ANKRD11: variants seen among roughly 807,000 people sequenced by gnomAD.
The protein encoded by ANKRD11 is ankyrin repeat domain 11.
ANKRD11 carries 17 observed loss-of-function variants against 195.7 expected under a neutral mutation model. The observed-to-expected ratio is 0.09, with a 90% confidence interval of 0.06 to 0.13. ANKRD11 has a LOEUF of 0.13. ANKRD11 is among the 10% of genes least tolerant of loss of function. The pLI is 1.00. For missense variants in ANKRD11, 3,735 were observed against 3,566.1 expected (o/e 1.05, Z -1.21); for synonymous variants, 1,953 against 1,528.1 (o/e 1.28, Z -6.49).
chr16:89,337,465 C>T lies in ANKRD11; in HGVS notation c.-59-20387G>A, dbSNP rs1423380926. ...TTTTTTTTTTTTTTTTTGAGACAGT[C>T]TCCCTCTGTCGCCCAGGCTGGAGTG... is the stretch of plus-strand genomic sequence containing the variant. On this transcript the variant is annotated intron_variant, in intron 2 of 12. Transcript: ENST00000301030. 1.6e-4 allele frequency among the ~76,000 whole-genome samples: 8 copies of T among 49,764 alleles called. No homozygotes were observed. The Admixed American group carries it at 1.6e-3, about 10-fold the overall frequency. The allele number at this position is 49,764 out of a possible 152,430, so 32.6% of individuals were successfully genotyped here.
At chr16:89,452,477 G>A (rs763415585) in intron 1 of ANKRD11, among the ~76,000 whole-genome samples, 1 of 152,004 alleles carries the variant, frequency 6.6e-6, no homozygotes, top group East Asian at 1.9e-4. Flanking sequence ...AAACCACAGC[G>A]GGTGAGGACA....
intron 2 of ANKRD11, among the ~76,000 whole-genome samples, chr16:89,328,344 CAT>C (rs1202111263): frequency 6.6e-6 from 1 of 152,226 alleles, no homozygotes; most frequent in African/African-American, 2.4e-5. Context: ...CACCCCAGGA[CAT>C]TTATCTGAGA....
chr16:89,311,849 T>A lies in ANKRD11; in HGVS notation c.87+5084A>T, dbSNP rs550884207. 4.6e-5 allele frequency among the ~76,000 whole-genome samples: 7 copies of A among 152,198 alleles called. No individual in the cohort carries two copies. In the South Asian group the frequency reaches 1.5e-3, roughly 32 times the overall value. On this transcript the variant is annotated intron_variant, in intron 3 of 12. Transcript: ENST00000301030. ...CTTTTTCTTTCTTAAAGTGGGAAGT[T>A]TTTGCTTTATTCTAATAATGAAAAT... is the stretch of plus-strand genomic sequence containing the variant.
chr16:89,436,408 C>T (rs1335169903), intron 1 of ANKRD11, among the ~76,000 whole-genome samples: 5 of 119,630 alleles, frequency 4.2e-5, no homozygotes, highest in African/African-American at 1.1e-4. Flanking sequence ...GAGTGAGACT[C>T]GGTCTCAAAA....
intron 2 of ANKRD11, among the ~76,000 whole-genome samples, chr16:89,415,849 A>AAAAAAAAAAAAAAAAAAAAAAAAAAAG (rs1597338948): frequency 6.8e-6 from 1 of 147,542 alleles, no homozygotes; most frequent in Non-Finnish European, 1.5e-5. Flanking sequence ...AAAAAAAAAA[A>AAAAAAAAAAAAAAAAAAAAAAAAAAAG]ACAATGGAGA....
intron 1 of ANKRD11, among the ~76,000 whole-genome samples, chr16:89,457,019 G>A (rs1312415376): frequency 6.7e-6 from 1 of 149,218 alleles, no homozygotes; most frequent in Admixed American, 6.7e-5. Flanking sequence ...GAGTGCAGTG[G>A]CGCAATCTCG....
At chr16:89,286,628 TG>T (rs1184208549) in intron 7 of ANKRD11, 6 of 1,199,808 alleles carry the variant, frequency 5.0e-6, no homozygotes, top group Non-Finnish European at 6.4e-6. Context: ...TGGAAAGGGT[TG>T]GGGGGACAGA....
chr16:89,285,939 A>C lies in ANKRD11; in HGVS notation c.892+100T>G. Reference sequence around the variant, plus strand: ...AGCTCCTGTAAGCCCCCAGCATCCGAGGAGGAGCTGATCAGAGGGGCAACA... The same window carrying C: ...AGCTCCTGTAAGCCCCCAGCATCCGCGGAGGAGCTGATCAGAGGGGCAACA... On this transcript the variant is annotated intron_variant, in intron 8 of 12. Coordinates refer to ENST00000301030, the MANE Select transcript of ANKRD11 (RefSeq NM_013275.6). The surrounding 1 kb of genome is among the most constrained non-coding windows in gnomAD (Gnocchi z 5.6). 6.3e-7 allele frequency: 1 copy of C among 1,579,164 alleles called. No individual in the cohort carries two copies. The highest frequency in any genetic ancestry group is 8.7e-7 in the Non-Finnish European group (1 of 1,154,260).
chr16:89,404,050 A>C (rs2041811205), intron 2 of ANKRD11, among the ~76,000 whole-genome samples: 1 of 152,252 alleles, frequency 6.6e-6, no homozygotes, highest in Non-Finnish European at 1.5e-5. Context: ...CTAAAATTCC[A>C]AACTACAGGA....
chr16:89,481,363 T>C (rs1401008408), intron 1 of ANKRD11, among the ~76,000 whole-genome samples: 1 of 151,700 alleles, frequency 6.6e-6, no homozygotes, highest in Non-Finnish European at 1.5e-5. Context: ...AGGCCAGGAG[T>C]TCAACATCAG....
intron 1 of ANKRD11, among the ~76,000 whole-genome samples, chr16:89,477,658 T>G (rs2152364042): frequency 6.7e-6 from 1 of 149,866 alleles, no homozygotes; most frequent in Admixed American, 6.6e-5. Context: ...GGCCCGGCAG[T>G]ATTTAGCATT....
chr16:89,337,593 T>C (rs924001563), intron 2 of ANKRD11, among the ~76,000 whole-genome samples: 5 of 151,848 alleles, frequency 3.3e-5, no homozygotes, highest in African/African-American at 1.2e-4. Flanking sequence ...CCTGCCACCA[T>C]GCCCAGATAA....
At chr16:89,451,108 T>C (rs2044050688) in intron 1 of ANKRD11, among the ~76,000 whole-genome samples, 1 of 152,224 alleles carries the variant, frequency 6.6e-6, no homozygotes, top group Admixed American at 6.5e-5. Context: ...AACCTATGGC[T>C]GGCAAAGTTC....
chr16:89,282,354 G>A lies in ANKRD11; in HGVS notation c.4188C>T (p.Phe1396=). 1 of 1,614,180 alleles carries A rather than the reference G, an allele frequency of 6.2e-7. No individual in the cohort carries two copies. The highest frequency in any genetic ancestry group is 8.5e-7 in the Non-Finnish European group (1 of 1,180,050). The change falls in exon 9 of 13, where the codon TTC becomes TTT. Residue 1396 remains phenylalanine, a synonymous_variant. Transcript: ENST00000301030. ...AAACTCCGTAAGCATCCGCCTCCAGGAAGTCCTTTTCGTACTGGCCGGAGT... is the reference window on the plus strand; with the variant it reads ...AAACTCCGTAAGCATCCGCCTCCAGAAAGTCCTTTTCGTACTGGCCGGAGT... ...RKDSGQYEKD[F]LEADAYGVSY...
chr16:89,324,233 C>CA (rs1392431986), intron 2 of ANKRD11: 32 of 1,201,920 alleles, frequency 2.7e-5, no homozygotes, highest in African/African-American at 3.2e-5. Flanking sequence ...CTTTGCCCCT[C>CA]AGACACATGC....
At chr16:89,384,603 G>C (rs767229925) in intron 2 of ANKRD11, among the ~76,000 whole-genome samples, 31 of 152,122 alleles carry the variant, frequency 2.0e-4, no homozygotes, top group Non-Finnish European at 4.3e-4. Context: ...GACAGAGCAG[G>C]GCAGCTTCTG....
At chr16:89,475,352 C>G (rs1177118651) in intron 1 of ANKRD11, among the ~76,000 whole-genome samples, 1 of 152,182 alleles carries the variant, frequency 6.6e-6, no homozygotes, top group Non-Finnish European at 1.5e-5. Flanking sequence ...TCCCTCATCA[C>G]CAGGTGACTG....
rs189297725 is a variant in ANKRD11 at position 89,280,458 on chromosome 16, G to T, written c.6084C>A (p.Pro2028=). ...PPASPAPYAL[P]VAEPGLEDVK... ...CGTCCTCCAGCCCCGGCTCAGCGAC[G>T]GGCAGAGCGTACGGGGCAGGAGAGG... The change falls in exon 9 of 13, where the codon CCC becomes CCA. Residue 2028 remains proline, a synonymous_variant. Transcript: ENST00000301030. 1.3e-6 allele frequency: 2 copies of T among 1,594,306 alleles called. No homozygotes were observed. The highest frequency in any genetic ancestry group is 1.7e-6 in the Non-Finnish European group (2 of 1,169,094).
At chr16:89,463,599 C>T (rs894922168) in intron 1 of ANKRD11, among the ~76,000 whole-genome samples, 1 of 151,846 alleles carries the variant, frequency 6.6e-6, no homozygotes, top group African/African-American at 2.4e-5. Context: ...ATTTGCTGAC[C>T]TTCCCTCCAC....
Sources: gnomAD v4.1 joint callset for allele counts (sites outside exome capture counted in the v4.1 genomes callset) on GRCh38, gnomAD v4.1.1 for gene constraint, Gnocchi (gnomAD v3.1) non-coding constraint, MANE v1.5 for transcripts, NCBI Gene and HGNC (gene_info 2026-07-23, HGNC 2026-07-21) for gene names.